Variants in CCSER1 observed in about 807,000 individuals in gnomAD.
CCSER1 encodes the protein serine-rich coiled-coil domain-containing protein 1.
CCSER1 carries 41 observed loss-of-function variants against 82.0 expected under a neutral mutation model. That is an observed-to-expected ratio of 0.50 (90% confidence interval 0.39 to 0.65). CCSER1 has a LOEUF of 0.65. Among genes scored for constraint, CCSER1 ranks in the 30% least tolerant of loss-of-function variants. The probability of loss-of-function intolerance (pLI) is 0.00; values close to 1 mark genes in which losing one functional copy is unlikely to be tolerated. For synonymous variants in CCSER1, 414 were observed against 383.9 expected, an observed-to-expected ratio of 1.08 and a Z score of -0.92; for missense variants, 1,119 against 1,064.2, an observed-to-expected ratio of 1.05 and a Z score of -0.72.
chr4:91,275,807 T>G (rs1240905064), intron 10 of CCSER1, among the ~76,000 whole-genome samples: 1 of 152,212 alleles, frequency 6.6e-6, no homozygotes, highest in Non-Finnish European at 1.5e-5. Context: ...TAGATTTAAG[T>G]CTTTAAACCG....
chr4:91,289,122 C>T (rs1354497785), intron 10 of CCSER1, among the ~76,000 whole-genome samples: 1 of 151,980 alleles, frequency 6.6e-6, no homozygotes, highest in African/African-American at 2.4e-5. Context: ...ATGCAAGGTA[C>T]TGTTAGAGAA....
chr4:90,780,939 T>A, intron 7 of CCSER1: 1 of 349,888 alleles, frequency 2.9e-6, no homozygotes, highest in Non-Finnish European at 4.0e-6. Flanking sequence ...ACAGGAAGCA[T>A]AGTAGCATGT....
At chr4:91,558,614 C>T (rs1227762262) in intron 10 of CCSER1, among the ~76,000 whole-genome samples, 1 of 151,580 alleles carries the variant, frequency 6.6e-6, no homozygotes, top group Non-Finnish European at 1.5e-5. Context: ...TTCCACATGG[C>T]TGGGGAGGAC....
intron 10 of CCSER1, among the ~76,000 whole-genome samples, chr4:91,150,186 G>T (rs1039526647): frequency 1.3e-5 from 2 of 152,262 alleles, no homozygotes; most frequent in Admixed American, 6.5e-5. Flanking sequence ...CCTTGAAGAA[G>T]TCCTTCACAT....
chr4:91,323,205 A>G (rs566046155), intron 10 of CCSER1, among the ~76,000 whole-genome samples: 1 of 152,260 alleles, frequency 6.6e-6, no homozygotes, highest in South Asian at 2.1e-4. Flanking sequence ...GTGTTTGGTG[A>G]CAGTCCAGGT....
intron 5 of CCSER1, among the ~76,000 whole-genome samples, chr4:90,556,215 G>T (rs771037608): frequency 1.1e-4 from 17 of 152,192 alleles, no homozygotes; most frequent in Non-Finnish European, 2.2e-4. Context: ...AACAGTTTAA[G>T]AAGCTAATTA....
intron 6 of CCSER1, among the ~76,000 whole-genome samples, chr4:90,715,822 A>C (rs889057051): frequency 6.6e-6 from 1 of 152,062 alleles, no homozygotes; most frequent in African/African-American, 2.4e-5. Flanking sequence ...ATTTGAATGT[A>C]TCTTTCAGCC....
At chr4:91,329,580 C>A (rs540874312) in intron 10 of CCSER1, among the ~76,000 whole-genome samples, 3 of 152,110 alleles carry the variant, frequency 2.0e-5, no homozygotes, top group African/African-American at 7.2e-5. Context: ...AAGGTGCTAG[C>A]AGATCAAGGT....
chr4:90,440,477 T>C (rs1439999011), intron 4 of CCSER1, among the ~76,000 whole-genome samples: 1 of 152,130 alleles, frequency 6.6e-6, no homozygotes, highest in East Asian at 1.9e-4. Flanking sequence ...AGAAAGGCAA[T>C]GGCTTAGGAG....
chr4:91,433,384 T>C (rs1353443691), intron 10 of CCSER1, among the ~76,000 whole-genome samples: 1 of 152,156 alleles, frequency 6.6e-6, no homozygotes, highest in Non-Finnish European at 1.5e-5. Context: ...GTTTATAAAG[T>C]CTACAGTAGT....
intron 10 of CCSER1, among the ~76,000 whole-genome samples, chr4:91,144,563 G>T (rs1729364950): frequency 6.6e-6 from 1 of 150,782 alleles, no homozygotes; most frequent in African/African-American, 2.4e-5. Context: ...TTCTTAATTT[G>T]ACATCTTTCT....
intron 6 of CCSER1, among the ~76,000 whole-genome samples, chr4:90,694,573 C>T (rs1736636973): frequency 6.6e-6 from 1 of 151,986 alleles, no homozygotes; most frequent in South Asian, 2.1e-4. Context: ...ATGTTTTGTG[C>T]AATTGCTCAA....
chr4:90,617,717 A>C (rs535459917), intron 5 of CCSER1, among the ~76,000 whole-genome samples: 2 of 152,246 alleles, frequency 1.3e-5, no homozygotes, highest in East Asian at 3.9e-4. Flanking sequence ...TATACTGATG[A>C]ATAATGGAAA....
chr4:90,446,153 T>C (rs373809792), intron 4 of CCSER1, among the ~76,000 whole-genome samples: 48 of 152,288 alleles, frequency 3.2e-4, no homozygotes, highest in African/African-American at 1.1e-3. Flanking sequence ...GTGAGCAAAC[T>C]AAAAGCATTA....
intron 3 of CCSER1, among the ~76,000 whole-genome samples, chr4:90,364,353 T>C (rs1745908121): frequency 6.6e-6 from 1 of 152,002 alleles, no homozygotes; most frequent in African/African-American, 2.4e-5. Context: ...TCAGTGTCTT[T>C]AAATAGAAAA....
At chr4:90,443,890 A>G (rs962991118) in intron 4 of CCSER1, among the ~76,000 whole-genome samples, 23 of 152,080 alleles carry the variant, frequency 1.5e-4, no homozygotes, top group African/African-American at 5.5e-4. Flanking sequence ...TAGTTTATAT[A>G]AACATAGAAT....
At chr4:91,448,259 T>C (rs1755680367) in intron 10 of CCSER1, among the ~76,000 whole-genome samples, 2 of 152,142 alleles carry the variant, frequency 1.3e-5, no homozygotes, top group Non-Finnish European at 2.9e-5. Flanking sequence ...TGCTTTTCTA[T>C]AAATTTAATT....
intron 10 of CCSER1, among the ~76,000 whole-genome samples, chr4:91,322,409 A>AT (rs1746260686): frequency 6.6e-6 from 1 of 152,040 alleles, no homozygotes; most frequent in Non-Finnish European, 1.5e-5. Flanking sequence ...GTTTAAGTCA[A>AT]TATGATTTTG....
At chr4:90,447,156 G>GT (rs1760772230) in intron 4 of CCSER1, among the ~76,000 whole-genome samples, 1 of 152,140 alleles carries the variant, frequency 6.6e-6, no homozygotes, top group Non-Finnish European at 1.5e-5. Flanking sequence ...CTGTATTGCT[G>GT]TGTAGTTTTG....
Sources: allele counts gnomAD v4.1 joint callset (sites outside exome capture counted in the v4.1 genomes callset), GRCh38; gene constraint gnomAD v4.1.1; transcripts MANE v1.5; gene names NCBI Gene and HGNC (gene_info 2026-07-23, HGNC 2026-07-21).